Variants in APOL6 observed in about 807,000 individuals in gnomAD.
APOL6 encodes the protein apolipoprotein L, 6.
In APOL6, 1 loss-of-function variant was observed where a neutral mutation model predicts 2.4. That is an observed-to-expected ratio of 0.41 (90% CI 0.15 to 1.94). The LOEUF (loss-of-function observed/expected upper bound fraction) is 1.94, where lower values mean the gene tolerates loss of function less well. Among genes scored for constraint, APOL6 ranks in the 30% most tolerant of loss-of-function variants. The pLI is 0.30. For missense variants in APOL6, 438 were observed against 429.2 expected (o/e 1.02, Z -0.18); for synonymous variants, 189 against 169.3 (o/e 1.12, Z -0.90).
At chr22:35,655,820 A>C (rs2145955661) in intron 1 of APOL6, among the ~76,000 whole-genome samples, 1 of 152,192 alleles carries the variant, frequency 6.6e-6, no homozygotes, top group Admixed American at 6.5e-5. Context: ...AATAATTCTC[A>C]AAGAGGTAGC....
chr22:35,663,652 G>A lies in APOL6; in HGVS notation c.*4056G>A, dbSNP rs1024953131. On this transcript the variant is annotated 3_prime_UTR_variant, in exon 3 of 3. Coordinates refer to ENST00000409652, the MANE Select transcript of APOL6 (RefSeq NM_030641.4). The stretch of plus-strand genomic sequence containing the variant: ...GTAGTTTCGTTTTATGTTTAATATC[G>A]CTCAAAGAAAAATAAAAGCATCTCC... 1.3e-5 allele frequency: 2 copies of A among 151,398 alleles called. No homozygotes were observed. The highest frequency in any genetic ancestry group is 1.9e-4 in the East Asian group (1 of 5,168). The allele number at this position is 151,398 out of a possible 1,614,324, so 9.4% of individuals were successfully genotyped here.
chr22:35,655,440 AT>A (rs1924819138), intron 1 of APOL6, among the ~76,000 whole-genome samples: 1 of 152,038 alleles, frequency 6.6e-6, no homozygotes, highest in Non-Finnish European at 1.5e-5. Flanking sequence ...TCTACAACCA[AT>A]TCATTTGCAT....
chr22:35,654,906 A>G (rs1924802481), intron 1 of APOL6, among the ~76,000 whole-genome samples: 1 of 152,140 alleles, frequency 6.6e-6, no homozygotes, highest in Admixed American at 6.5e-5. Context: ...AGGTCTTTCT[A>G]TCAAGGAGAA....
rs999596675 is a variant in APOL6 at position 35,663,266 on chromosome 22, G to A, written c.*3670G>A. On this transcript the variant is annotated 3_prime_UTR_variant, in exon 3 of 3. Transcript: ENST00000409652. ...ATTTACATAACACAGCCAGCTTTTT[G>A]CTAGCCAGACCAAACTCAAAGAGCA... 1.3e-5 allele frequency: 2 copies of A among 152,058 alleles called. No homozygotes were observed. The highest frequency in any genetic ancestry group is 4.8e-5 in the African/African-American group (2 of 41,422). The allele number at this position is 152,058 out of a possible 1,614,324, so 9.4% of individuals were successfully genotyped here.
chr22:35,653,322 A>G (rs1924749534), intron 1 of APOL6, among the ~76,000 whole-genome samples: 1 of 152,204 alleles, frequency 6.6e-6, no homozygotes, highest in Non-Finnish European at 1.5e-5. Flanking sequence ...TTTTCTAGAT[A>G]TACAATCATG....
chr22:35,656,353 CGTT>C (rs1924843605), intron 1 of APOL6, 23 bp from the exon 2 acceptor site: 5 of 1,556,604 alleles, frequency 3.2e-6, no homozygotes, highest in Non-Finnish European at 4.4e-6. Flanking sequence ...TGTGCAGTAA[CGTT>C]GTTTTTCTAC....
rs1304206900 is a variant in APOL6 at position 35,663,970 on chromosome 22, T to C, written c.*4374T>C. On this transcript the variant is annotated 3_prime_UTR_variant, in exon 3 of 3. Coordinates refer to ENST00000409652, the MANE Select transcript of APOL6 (RefSeq NM_030641.4). The stretch of plus-strand genomic sequence containing the variant: ...GTGCTAAAAATATGTAAAAGAGCTC[T>C]ACTTGGCTTAAAGAAAAATAAAAGT... 1 of 152,208 alleles carries C rather than the reference T, an allele frequency of 6.6e-6. No individual in the cohort carries two copies. The highest frequency in any genetic ancestry group is 1.5e-5 in the Non-Finnish European group (1 of 68,032). 9.4% of individuals were successfully genotyped at this position (152,208 alleles called of 1,614,324 possible). A position where few individuals can be genotyped will look rare whatever the true frequency, so the allele number is the denominator to read the frequency against.
intron 2 of APOL6, among the ~76,000 whole-genome samples, chr22:35,657,019 G>T (rs1924863055): frequency 6.6e-6 from 1 of 152,222 alleles, no homozygotes; most frequent in African/African-American, 2.4e-5. Context: ...GCTGATACAG[G>T]ATTCACTGGA....
rs757629402 is a variant in APOL6, at chr22:35,659,549, T to C, written c.985T>C (p.Trp329Arg). Residue 329 changes from tryptophan to arginine, a missense_variant, in exon 3 of 3, where the codon TGG (tryptophan) becomes CGG (arginine). Physicochemically the swap from Trp to Arg is moderately radical, Grantham distance 101 (BLOSUM62 -3). Coordinates refer to ENST00000409652, the MANE Select transcript of APOL6 (RefSeq NM_030641.4). Reference protein sequence around the residue: ...ELREHVWMWLWLCVCLCVCVY... With the variant: ...ELREHVWMWLRLCVCLCVCVY... ...AAGGGAGCATGTGTGGATGTGGCTG[T>C]GGCTGTGTGTGTGTCTGTGTGTCTG... 3 of 1,613,744 alleles carry C rather than the reference T, an allele frequency of 1.9e-6. No individual in the cohort carries two copies. Among genetic ancestry groups the C allele is most frequent in the Non-Finnish European group, 1.7e-6 (2 of 1,179,890 alleles).
rs1569136107 is a variant in APOL6, at chr22:35,661,669, A to C, written c.*2073A>C. The C allele has an allele frequency of 1.3e-5, 2 of 152,212 alleles. No homozygotes were observed. Among genetic ancestry groups the C allele is most frequent in the Non-Finnish European group, 2.9e-5 (2 of 68,036 alleles). The allele number at this position is 152,212 out of a possible 1,614,324, so 9.4% of individuals were successfully genotyped here. On this transcript the variant is annotated 3_prime_UTR_variant, in exon 3 of 3. Transcript: ENST00000409652. ...AAAGGAAAGTAAAAATATGGCATAA[A>C]AGATAAGAATTGGCTCTCCTGTACA... is the stretch of plus-strand genomic sequence containing the variant.
chr22:35,655,407 G>A lies in APOL6; in HGVS notation c.-47-972G>A, dbSNP rs574719036. Among the ~76,000 whole-genome samples the A allele has an allele frequency of 4.6e-5, 7 of 152,100 alleles. No individual in the cohort carries two copies. The East Asian group carries it at 1.2e-3, about 25-fold the overall frequency. Reference sequence around the variant, plus strand: ...CTCCCAGTCAATAATCGCACTACCCGAGAAGAAACCTCGATTCTGACTTCT... The same window carrying A: ...CTCCCAGTCAATAATCGCACTACCCAAGAAGAAACCTCGATTCTGACTTCT... On this transcript the variant is annotated intron_variant, in intron 1 of 2. Coordinates refer to ENST00000409652, the MANE Select transcript of APOL6 (RefSeq NM_030641.4).
intron 1 of APOL6, among the ~76,000 whole-genome samples, chr22:35,652,807 G>A (rs2145953781): frequency 6.6e-6 from 1 of 151,818 alleles, no homozygotes; most frequent in South Asian, 2.1e-4. Flanking sequence ...TAGCCTTGTA[G>A]TATAGTTTGA....
intron 1 of APOL6, among the ~76,000 whole-genome samples, chr22:35,650,226 G>A (rs1924651605): frequency 6.6e-6 from 1 of 152,126 alleles, no homozygotes; most frequent in Non-Finnish European, 1.5e-5. Flanking sequence ...ACCAAAGAGG[G>A]GAGAAGGTTT....
At chr22:35,658,490 T>C (rs1349012146) in intron 2 of APOL6, 125 bp from the exon 3 acceptor site, 5 of 837,208 alleles carry the variant, frequency 6.0e-6, no homozygotes, top group Non-Finnish European at 9.2e-6. Context: ...TCTAGGACTT[T>C]TCAGGGGATT....
chr22:35,658,583 T>C, intron 2 of APOL6, 32 bp from the exon 3 acceptor site: 1 of 1,548,434 alleles, frequency 6.5e-7, no homozygotes, highest in Non-Finnish European at 8.7e-7. Context: ...TCTGGGAAGC[T>C]GAAGCAAAAT....
At chr22:35,652,213 T>C (rs1924716312) in intron 1 of APOL6, among the ~76,000 whole-genome samples, 2 of 152,288 alleles carry the variant, frequency 1.3e-5, no homozygotes, top group South Asian at 4.1e-4. Context: ...GAAGTGTCTG[T>C]TCATATCCTT....
At chr22:35,658,445 T>A (rs1041137340) in intron 2 of APOL6, among the ~76,000 whole-genome samples, 170 bp from the exon 3 acceptor site, 2 of 152,140 alleles carry the variant, frequency 1.3e-5, no homozygotes, top group Non-Finnish European at 2.9e-5. Context: ...ATGGAACCAG[T>A]AGTTTTCAGC....
rs5755831 is a variant in APOL6, at chr22:35,661,261, G to A, written c.*1665G>A. On this transcript the variant is annotated 3_prime_UTR_variant, in exon 3 of 3. Coordinates refer to ENST00000409652, the MANE Select transcript of APOL6 (RefSeq NM_030641.4). Reference sequence around the variant, plus strand: ...TAATCCTATCTACTCGGGAGGCTGAGGCAGGAGAATCGCTTGAACCCAGGC... The same window carrying A: ...TAATCCTATCTACTCGGGAGGCTGAAGCAGGAGAATCGCTTGAACCCAGGC... 7,766 of 151,116 alleles carry A rather than the reference G, an allele frequency of 0.051. 324 individuals are homozygous for A. The highest frequency in any genetic ancestry group is 0.19 in the East Asian group (986 of 5,114). 9.4% of individuals were successfully genotyped at this position (151,116 alleles called of 1,614,324 possible).
rs1925192913 is a variant in APOL6, at chr22:35,666,654, A to T, written c.*7058A>T. ...TGCTCTTACATGCAGGTTTCTGATA[A>T]CTTTGGAGATTGTGACATCAGAATA... On this transcript the variant is annotated 3_prime_UTR_variant, in exon 3 of 3. Transcript: ENST00000409652. 6.6e-6 allele frequency: 1 copy of T among 152,198 alleles called. No homozygotes were observed. Among genetic ancestry groups the T allele is most frequent in the Non-Finnish European group, 1.5e-5 (1 of 68,040 alleles). 9.4% of individuals were successfully genotyped at this position (152,198 alleles called of 1,614,324 possible). A position where few individuals can be genotyped will look rare whatever the true frequency, so the allele number is the denominator to read the frequency against.
Sources: allele counts gnomAD v4.1 joint callset (sites outside exome capture counted in the v4.1 genomes callset), GRCh38; gene constraint gnomAD v4.1.1; transcripts MANE v1.5; gene names NCBI Gene and HGNC (gene_info 2026-07-23, HGNC 2026-07-21).